MACROD2: variants seen among roughly 807,000 people sequenced by gnomAD.
MACROD2 encodes ADP-ribose glycohydrolase MACROD2.
MACROD2 carries 36 observed loss-of-function variants against 70.4 expected under a neutral mutation model. The ratio of observed to expected loss-of-function variants is 0.51; its 90% CI spans 0.39 to 0.68. The LOEUF (loss-of-function observed/expected upper bound fraction) is 0.68, where lower values mean the gene tolerates loss of function less well. MACROD2 is among the 30% of genes least tolerant of loss of function. The pLI is 0.00. For synonymous variants in MACROD2, 172 were observed against 178.8 expected (o/e 0.96, Z 0.30); for missense variants, 496 against 538.4 (o/e 0.92, Z 0.78).
At chr20:15,695,978 T>C (rs146971428) in intron 8 of MACROD2, among the ~76,000 whole-genome samples, 1 of 152,338 alleles carries the variant, frequency 6.6e-6, no homozygotes, top group East Asian at 1.9e-4. Context: ...AACAATCTTA[T>C]CATCAGCAAA....
chr20:14,159,856 T>G (rs6079327), intron 3 of MACROD2, among the ~76,000 whole-genome samples: 146,906 of 152,192 alleles, frequency 0.97, 70,923 homozygotes, highest in Middle Eastern at 0.99. Context: ...GTTAGCTGTG[T>G]GTTTGTCATA....
intron 3 of MACROD2, among the ~76,000 whole-genome samples, chr20:14,342,633 A>G (rs973350579): frequency 6.6e-6 from 1 of 152,204 alleles, no homozygotes; most frequent in African/African-American, 2.4e-5. Flanking sequence ...TATTGGAGAA[A>G]TAATTAGATT....
At chr20:15,441,846 GA>G (rs2046498568) in intron 7 of MACROD2, among the ~76,000 whole-genome samples, 1 of 152,074 alleles carries the variant, frequency 6.6e-6, no homozygotes, top group African/African-American at 2.4e-5. Flanking sequence ...ACGAAACATT[GA>G]AACAGTAAGC....
intron 4 of MACROD2, among the ~76,000 whole-genome samples, chr20:14,542,455 C>T (rs1229633011): frequency 1.3e-5 from 2 of 152,162 alleles, no homozygotes; most frequent in Non-Finnish European, 2.9e-5. Flanking sequence ...TAATCCATAA[C>T]TTAATGTTCT....
At chr20:15,618,174 C>T (rs942660371) in intron 8 of MACROD2, among the ~76,000 whole-genome samples, 44 of 147,420 alleles carry the variant, frequency 3.0e-4, no homozygotes, top group African/African-American at 1.1e-3. Flanking sequence ...GCTCCCCACA[C>T]TCATGGTTCC....
intron 7 of MACROD2, among the ~76,000 whole-genome samples, chr20:15,480,950 C>G (rs201472825): frequency 2.2e-4 from 26 of 118,096 alleles, no homozygotes; most frequent in Admixed American, 4.3e-4. Flanking sequence ...TTTAACCATG[C>G]CTGTGTCTTC....
intron 6 of MACROD2, among the ~76,000 whole-genome samples, chr20:15,297,026 G>A (rs1482374447): frequency 6.6e-6 from 1 of 152,148 alleles, no homozygotes; most frequent in African/African-American, 2.4e-5. Context: ...AGGTCTGCAA[G>A]CCCCATGGTC....
chr20:14,765,840 G>C (rs1359196801), intron 5 of MACROD2, among the ~76,000 whole-genome samples: 3 of 152,040 alleles, frequency 2.0e-5, no homozygotes, highest in Admixed American at 1.3e-4. Context: ...AACCCTGAAT[G>C]CTTCATGAAG....
chr20:14,399,761 A>C (rs2083618170), intron 3 of MACROD2, among the ~76,000 whole-genome samples: 1 of 152,138 alleles, frequency 6.6e-6, no homozygotes, highest in African/African-American at 2.4e-5. Context: ...ATTTAAAAAA[A>C]TTCTTTTCCA....
At chr20:14,016,882 A>T (rs963671324) in intron 2 of MACROD2, among the ~76,000 whole-genome samples, 2 of 152,066 alleles carry the variant, frequency 1.3e-5, no homozygotes, top group African/African-American at 4.8e-5. Context: ...TTTTTTCCCC[A>T]CAAAAAATAC....
intron 5 of MACROD2, among the ~76,000 whole-genome samples, chr20:15,173,761 A>T (rs2076439827): frequency 6.6e-6 from 1 of 152,158 alleles, no homozygotes; most frequent in Non-Finnish European, 1.5e-5. Flanking sequence ...TGGTGATATC[A>T]CGGTTGCATA....
chr20:15,900,471 T>C (rs1259493070), intron 10 of MACROD2, among the ~76,000 whole-genome samples: 1 of 152,140 alleles, frequency 6.6e-6, no homozygotes, highest in Admixed American at 6.5e-5. Context: ...AAGGACCCAG[T>C]GGTCTATTTT....
chr20:14,225,094 C>T (rs6033905), intron 3 of MACROD2, among the ~76,000 whole-genome samples: 147,617 of 152,308 alleles, frequency 0.97, 71,550 homozygotes, highest in Admixed American at 0.99. Context: ...TCTTTAGATC[C>T]TATTTATTGG....
intron 6 of MACROD2, among the ~76,000 whole-genome samples, chr20:15,407,616 G>A (rs1003839693): frequency 3.9e-5 from 6 of 152,092 alleles, no homozygotes; most frequent in African/African-American, 1.4e-4. Context: ...AGGTGGACTC[G>A]CTGGCCACAT....
At chr20:14,902,925 A>G (rs1282678815) in intron 5 of MACROD2, among the ~76,000 whole-genome samples, 3 of 152,132 alleles carry the variant, frequency 2.0e-5, no homozygotes, top group Non-Finnish European at 4.4e-5. Flanking sequence ...ACAGAGAAGC[A>G]GTAATACAAG....
intron 9 of MACROD2, among the ~76,000 whole-genome samples, chr20:15,876,089 T>A (rs963955969): frequency 1.2e-3 from 43 of 37,342 alleles, no homozygotes; most frequent in African/African-American, 3.7e-3. Flanking sequence ...GCTACATGTC[T>A]TTTATATATA....
intron 5 of MACROD2, among the ~76,000 whole-genome samples, chr20:14,971,715 C>T (rs554314460): frequency 1.9e-4 from 29 of 152,126 alleles, no homozygotes; most frequent in African/African-American, 6.3e-4. Flanking sequence ...CACATAGGGC[C>T]CAAAGATTGG....
At chr20:14,726,437 A>G (rs1248238440) in intron 5 of MACROD2, among the ~76,000 whole-genome samples, 2 of 152,178 alleles carry the variant, frequency 1.3e-5, no homozygotes, top group African/African-American at 4.8e-5. Flanking sequence ...TGAAGCGATT[A>G]GTGTCACAGG....
chr20:15,585,072 C>T (rs1032331125), intron 8 of MACROD2, among the ~76,000 whole-genome samples: 7 of 152,196 alleles, frequency 4.6e-5, no homozygotes, highest in Non-Finnish European at 1.0e-4. Flanking sequence ...TGCAGTGACA[C>T]AGTGGATGCA....
Sources: allele counts gnomAD v4.1 joint callset (sites outside exome capture counted in the v4.1 genomes callset), GRCh38; gene constraint gnomAD v4.1.1; transcripts MANE v1.5; gene names NCBI Gene and HGNC (gene_info 2026-07-23, HGNC 2026-07-21).